Variants in GLB1 observed in about 807,000 individuals in gnomAD.
GLB1 encodes beta-galactosidase.
In GLB1, 56 loss-of-function variants were observed where a neutral mutation model predicts 74.0. The observed-to-expected ratio is 0.76, with a 90% CI of 0.61 to 0.94. The LOEUF (loss-of-function observed/expected upper bound fraction) is 0.94, where lower values mean the gene tolerates loss of function less well. Ranked by LOEUF, GLB1 falls within the 40% of genes least tolerant of loss-of-function variation. The probability of loss-of-function intolerance (pLI) is 0.00; values close to 1 mark genes in which losing one functional copy is unlikely to be tolerated. For synonymous variants in GLB1, 323 were observed against 323.6 expected (o/e 1.00, Z 0.02); for missense variants, 787 against 845.5 (o/e 0.93, Z 0.86).
intron 9 of GLB1, among the ~76,000 whole-genome samples, chr3:33,048,100 C>T (rs1375255886): frequency 6.6e-6 from 1 of 152,110 alleles, no homozygotes; most frequent in Non-Finnish European, 1.5e-5. Flanking sequence ...ACCTCAGGGG[C>T]AGAGACTGTG....
chr3:33,042,072 C>A (rs1698523874), intron 10 of GLB1, among the ~76,000 whole-genome samples: 1 of 152,136 alleles, frequency 6.6e-6, no homozygotes, highest in Admixed American at 6.5e-5. Context: ...GCACTAGTTT[C>A]ATAATATATT....
the GLB1 span, among the ~76,000 whole-genome samples, chr3:32,968,361 A>C: frequency 5.0e-3 from 761 of 152,324 alleles, 5 homozygotes; most frequent in African/African-American, 0.017. Context: ...TATGAAAAAA[A>C]ACACTGGTCA....
chr3:33,034,596 T>C (rs2125496573), intron 10 of GLB1: 1 of 718,846 alleles, frequency 1.4e-6, no homozygotes, highest in South Asian at 1.5e-5. Flanking sequence ...TTGGGAAATA[T>C]ATGGTCTCCC....
At chr3:33,065,317 C>A in intron 5 of GLB1, 146 bp downstream of exon 5, 1 of 1,124,302 alleles carries the variant, frequency 8.9e-7, no homozygotes. Context: ...TTCCCAAATG[C>A]AATTGAACTA....
chr3:33,094,178 C>G, intron 1 of GLB1: 1 of 1,604,420 alleles, frequency 6.2e-7, no homozygotes, highest in Non-Finnish European at 8.5e-7. Context: ...CTAGGGACAG[C>G]TGCCTGAAGA....
At chr3:32,971,317 A>C in the GLB1 span, among the ~76,000 whole-genome samples, 1 of 152,206 alleles carries the variant, frequency 6.6e-6, no homozygotes, top group South Asian at 2.1e-4. Context: ...ACTAATTGTC[A>C]AAAAGACTAG....
rs1698811440 is a variant in GLB1, at chr3:33,048,010, G to A, written c.956-1778C>T. 2.6e-5 allele frequency among the ~76,000 whole-genome samples: 4 copies of A among 151,580 alleles called. No homozygotes were observed. In the South Asian group the frequency reaches 8.3e-4, roughly 31 times the overall value. ...GGAACTCACCTTCTTTGTGGCCCTCGTCTGCTTCTAATGTGGTAGTCACCC... is the reference window on the plus strand; with the variant it reads ...GGAACTCACCTTCTTTGTGGCCCTCATCTGCTTCTAATGTGGTAGTCACCC... On this transcript the variant is annotated intron_variant, in intron 9 of 15. Coordinates refer to ENST00000307363, the MANE Select transcript of GLB1 (RefSeq NM_000404.4).
intron 15 of GLB1, among the ~76,000 whole-genome samples, chr3:33,011,804 C>T (rs962171657): frequency 6.6e-6 from 1 of 152,176 alleles, no homozygotes; most frequent in Non-Finnish European, 1.5e-5. Flanking sequence ...ATTTTCTCCT[C>T]TTCTTCAGAA....
At chr3:33,090,160 A>G (rs1179642376) in intron 1 of GLB1, among the ~76,000 whole-genome samples, 2 of 152,238 alleles carry the variant, frequency 1.3e-5, no homozygotes, top group African/African-American at 4.8e-5. Context: ...TGTTAATTTC[A>G]TTGGATATGA....
chr3:33,050,577 T>C lies in GLB1; in HGVS notation c.955+1181A>G, dbSNP rs576928665. On this transcript the variant is annotated intron_variant, in intron 9 of 15. Coordinates refer to ENST00000307363, the MANE Select transcript of GLB1 (RefSeq NM_000404.4). Reference sequence around the variant, plus strand: ...GTTCACTTATACGAAATGTTCAGAATTGGCAAACCCACAGGGACAGAAAGT... The same window carrying C: ...GTTCACTTATACGAAATGTTCAGAACTGGCAAACCCACAGGGACAGAAAGT... Among the ~76,000 whole-genome samples, 5 of 152,300 alleles carry C rather than the reference T, an allele frequency of 3.3e-5. No individual in the cohort carries two copies. In the East Asian group the frequency reaches 5.8e-4, roughly 18 times the overall value.
At chr3:32,979,609 TTGGGAGGCCAAGA>T in the GLB1 span, among the ~76,000 whole-genome samples, 2 of 152,006 alleles carry the variant, frequency 1.3e-5, no homozygotes, top group African/African-American at 4.8e-5. Flanking sequence ...TCCCAGCACT[TTGGGAGGCCAAGA>T]TGGGAGGATT....
chr3:33,051,433 C>T (rs1421854791), intron 9 of GLB1, among the ~76,000 whole-genome samples: 6 of 150,620 alleles, frequency 4.0e-5, no homozygotes, highest in Non-Finnish European at 8.9e-5. Flanking sequence ...CCCGTCTCTA[C>T]TAAAAATGCA....
intron 1 of GLB1, among the ~76,000 whole-genome samples, chr3:33,079,567 T>C (rs1700248771): frequency 6.6e-6 from 1 of 152,240 alleles, no homozygotes; most frequent in South Asian, 2.1e-4. Flanking sequence ...TAGCAAAATG[T>C]TGACACAAAT....
chr3:32,988,494 T>C, the GLB1 span, among the ~76,000 whole-genome samples: 79,064 of 152,052 alleles, frequency 0.52, 22,044 homozygotes, highest in East Asian at 0.8. Context: ...GAAGAGTTGG[T>C]TGCTTTCAAA....
At chr3:33,070,172 A>G (rs1183862732) in intron 2 of GLB1, among the ~76,000 whole-genome samples, 1 of 152,218 alleles carries the variant, frequency 6.6e-6, no homozygotes, top group Non-Finnish European at 1.5e-5. Context: ...TCCATGGTGT[A>G]TATGTACCAC....
intron 1 of GLB1, chr3:33,077,010 G>A: frequency 8.2e-7 from 1 of 1,219,332 alleles, no homozygotes; most frequent in South Asian, 1.5e-5. Flanking sequence ...AATTGCTAGA[G>A]CCCAGGAGTT....
chr3:33,032,272 T>C (rs1400932769), intron 10 of GLB1, among the ~76,000 whole-genome samples: 1 of 152,186 alleles, frequency 6.6e-6, no homozygotes, highest in East Asian at 1.9e-4. Context: ...CGCCCCAGAA[T>C]CTGCGCCAAC....
intron 1 of GLB1, among the ~76,000 whole-genome samples, chr3:33,078,102 G>A (rs962996420): frequency 3.9e-5 from 6 of 152,032 alleles, no homozygotes; most frequent in African/African-American, 7.2e-5. Context: ...AAAATTAGCT[G>A]GTGTGGTGGC....
intron 1 of GLB1, among the ~76,000 whole-genome samples, chr3:33,085,403 C>A (rs1700472231): frequency 1.3e-5 from 2 of 151,474 alleles, no homozygotes; most frequent in Non-Finnish European, 2.9e-5. Context: ...AAGGCTACAA[C>A]TATTCTAAAA....
Sources: gnomAD v4.1 joint callset for allele counts (sites outside exome capture counted in the v4.1 genomes callset) on GRCh38, gnomAD v4.1.1 for gene constraint, MANE v1.5 for transcripts, NCBI Gene and HGNC (gene_info 2026-07-23, HGNC 2026-07-21) for gene names.